Variants in NDUFAF2 observed in about 807,000 individuals in gnomAD.
NDUFAF2 encodes NADH:ubiquinone oxidoreductase complex assembly factor 2, also known as NADH dehydrogenase [ubiquinone] 1 alpha subcomplex assembly factor 2.
A neutral mutation model predicts 22.8 loss-of-function variants in NDUFAF2; 13 were observed. The observed-to-expected ratio is 0.57, with a 90% CI of 0.37 to 0.91. The LOEUF is 0.91. Ranked by LOEUF, NDUFAF2 falls within the 40% of genes least tolerant of loss-of-function variation. The pLI, the probability that NDUFAF2 is intolerant of heterozygous loss-of-function variation, is 0.01. For missense variants in NDUFAF2, 162 were observed against 195.2 expected (o/e 0.83, Z 1.01); for synonymous variants, 53 against 64.2 (o/e 0.83, Z 0.84).
intron 1 of NDUFAF2, among the ~76,000 whole-genome samples, chr5:61,005,424 A>G (rs955787578): frequency 3.9e-5 from 6 of 152,196 alleles, no homozygotes; most frequent in African/African-American, 1.4e-4. Context: ...TTATAGCAGC[A>G]TGATTTACAG....
At chr5:61,143,957 T>A (rs1741092888) in intron 3 of NDUFAF2, among the ~76,000 whole-genome samples, 2 of 63,806 alleles carry the variant, frequency 3.1e-5, no homozygotes, top group African/African-American at 1.1e-4. Flanking sequence ...AAATGGCATA[T>A]TTTTGTGTGT....
intron 1 of NDUFAF2, among the ~76,000 whole-genome samples, chr5:60,982,509 A>G (rs912680982): frequency 2.0e-5 from 3 of 149,944 alleles, no homozygotes; most frequent in African/African-American, 7.3e-5. Flanking sequence ...TTAACTCATC[A>G]TTTAACATTA....
At chr5:61,092,391 T>G (rs1752579838) in intron 2 of NDUFAF2, among the ~76,000 whole-genome samples, 1 of 152,180 alleles carries the variant, frequency 6.6e-6, no homozygotes, top group African/African-American at 2.4e-5. Context: ...CTCTGATTTT[T>G]GGGCAGTGGT....
chr5:60,969,059 CT>C (rs1208255996), intron 1 of NDUFAF2, among the ~76,000 whole-genome samples: 25 of 152,198 alleles, frequency 1.6e-4, no homozygotes, highest in African/African-American at 5.5e-4. Flanking sequence ...TTTTTTGTGG[CT>C]GAATGGTACT....
At chr5:61,048,364 C>G (rs1010265980) in intron 1 of NDUFAF2, among the ~76,000 whole-genome samples, 1 of 152,148 alleles carries the variant, frequency 6.6e-6, no homozygotes, top group Non-Finnish European at 1.5e-5. Flanking sequence ...TTAGTGCCTA[C>G]TCACATTAAA....
chr5:61,099,442 A>T (rs1201683211), intron 3 of NDUFAF2, among the ~76,000 whole-genome samples: 2 of 150,958 alleles, frequency 1.3e-5, no homozygotes, highest in Admixed American at 1.3e-4. Context: ...TCATGCTCTT[A>T]TGTTTCCCTT....
chr5:61,021,686 A>T (rs909240409), intron 1 of NDUFAF2, among the ~76,000 whole-genome samples: 2 of 152,024 alleles, frequency 1.3e-5, no homozygotes, highest in African/African-American at 4.8e-5. Context: ...TGGTATTGAT[A>T]TTATTTATGT....
intron 1 of NDUFAF2, among the ~76,000 whole-genome samples, chr5:60,968,159 G>A (rs1013058494): frequency 6.6e-6 from 1 of 151,678 alleles, no homozygotes; most frequent in Non-Finnish European, 1.5e-5. Flanking sequence ...ATGATCCTTT[G>A]TGTTTCTTTC....
chr5:60,987,612 T>G (rs1751099955), intron 1 of NDUFAF2, among the ~76,000 whole-genome samples: 1 of 152,224 alleles, frequency 6.6e-6, no homozygotes, highest in Non-Finnish European at 1.5e-5. Flanking sequence ...ATCCCTGGGA[T>G]GCAAAGTTGG....
At chr5:61,096,985 GAATGCAGAAAGAATAAC>G (rs1752652412) in intron 2 of NDUFAF2, among the ~76,000 whole-genome samples, 1 of 151,998 alleles carries the variant, frequency 6.6e-6, no homozygotes, top group Non-Finnish European at 1.5e-5. Flanking sequence ...GAAGGAAACA[GAATGCAGAAAGAATAAC>G]AAGGGTAGAA....
intron 1 of NDUFAF2, among the ~76,000 whole-genome samples, chr5:61,021,475 C>A (rs559121323): frequency 6.6e-6 from 1 of 151,906 alleles, no homozygotes; most frequent in Non-Finnish European, 1.5e-5. Flanking sequence ...AGGATAACTT[C>A]TTCATCTCAA....
chr5:61,092,600 G>A (rs1752582669), intron 2 of NDUFAF2, among the ~76,000 whole-genome samples: 1 of 152,124 alleles, frequency 6.6e-6, no homozygotes, highest in South Asian at 2.1e-4. Flanking sequence ...AGCTCAAGAA[G>A]CTTTTGGGCT....
At chr5:61,109,887 C>T (rs1752817094) in intron 3 of NDUFAF2, among the ~76,000 whole-genome samples, 1 of 152,142 alleles carries the variant, frequency 6.6e-6, no homozygotes, top group South Asian at 2.1e-4. Flanking sequence ...ATTACCTGGT[C>T]TCAAGTATGT....
At chr5:61,055,504 T>C (rs1410104025) in intron 1 of NDUFAF2, among the ~76,000 whole-genome samples, 1 of 152,040 alleles carries the variant, frequency 6.6e-6, no homozygotes, top group African/African-American at 2.4e-5. Flanking sequence ...TGAGCTGAAA[T>C]AAAAAAGGCA....
intron 1 of NDUFAF2, among the ~76,000 whole-genome samples, chr5:61,040,042 C>G (rs897161134): frequency 1.3e-5 from 2 of 152,008 alleles, no homozygotes; most frequent in African/African-American, 4.8e-5. Context: ...TTTACACAAC[C>G]TGGCAAGTAT....
At chr5:61,096,696 G>A (rs1410621368) in intron 2 of NDUFAF2, among the ~76,000 whole-genome samples, 1 of 152,046 alleles carries the variant, frequency 6.6e-6, no homozygotes, top group Non-Finnish European at 1.5e-5. Flanking sequence ...GGGTGCAGTG[G>A]CTCACGCCTA....
chr5:61,039,413 C>T (rs995323986), intron 1 of NDUFAF2, among the ~76,000 whole-genome samples: 1 of 152,040 alleles, frequency 6.6e-6, no homozygotes, highest in African/African-American at 2.4e-5. Flanking sequence ...GAACTGGAAA[C>T]CATGAATGCT....
chr5:61,029,136 T>C (rs1310741472), intron 1 of NDUFAF2, among the ~76,000 whole-genome samples: 1 of 152,220 alleles, frequency 6.6e-6, no homozygotes, highest in East Asian at 1.9e-4. Flanking sequence ...ACAAGGTAGA[T>C]GGTCTAGGTA....
At chr5:61,064,706 A>G (rs1038678170) in intron 1 of NDUFAF2, among the ~76,000 whole-genome samples, 1 of 152,128 alleles carries the variant, frequency 6.6e-6, no homozygotes, top group African/African-American at 2.4e-5. Context: ...AGCACAGCAT[A>G]CCAAAACATG....
Sources: allele counts gnomAD v4.1 joint callset (sites outside exome capture counted in the v4.1 genomes callset), GRCh38; gene constraint gnomAD v4.1.1; transcripts MANE v1.5; gene names NCBI Gene and HGNC (gene_info 2026-07-23, HGNC 2026-07-21).